Variants in PLPPR1 observed in about 807,000 individuals in gnomAD.
PLPPR1 encodes the protein phospholipid phosphatase-related protein type 1.
A neutral mutation model predicts 33.1 loss-of-function variants in PLPPR1; 10 were observed. The observed-to-expected ratio is 0.30, with a 90% CI of 0.19 to 0.51. PLPPR1 has a LOEUF of 0.51. Among genes scored for constraint, PLPPR1 ranks in the 20% least tolerant of loss-of-function variants. PLPPR1 has a pLI of 0.97. For synonymous variants in PLPPR1, 151 were observed against 151.0 expected (o/e 1.00, Z 0.00); for missense variants, 304 against 408.1 (o/e 0.74, Z 2.20).
intron 1 of PLPPR1, among the ~76,000 whole-genome samples, chr9:101,150,987 A>C (rs555939749): frequency 2.6e-5 from 4 of 152,222 alleles, no homozygotes; most frequent in African/African-American, 9.6e-5. Context: ...GCTGTAGTTT[A>C]TACTTGGGAC....
At chr9:101,132,170 C>T (rs989917138) in intron 1 of PLPPR1, among the ~76,000 whole-genome samples, 2 of 152,128 alleles carry the variant, frequency 1.3e-5, no homozygotes, top group African/African-American at 2.4e-5. Context: ...TTCTCAGTGT[C>T]CCCTCATTGG....
intron 2 of PLPPR1, among the ~76,000 whole-genome samples, chr9:101,233,203 T>C (rs1394855254): frequency 1.3e-5 from 2 of 152,092 alleles, no homozygotes; most frequent in Admixed American, 1.3e-4. Flanking sequence ...CATTTAATTC[T>C]GTTTACTACC....
chr9:101,302,222 C>T (rs1019649406), intron 4 of PLPPR1, among the ~76,000 whole-genome samples: 1 of 152,168 alleles, frequency 6.6e-6, no homozygotes, highest in Non-Finnish European at 1.5e-5. Context: ...TTGCAAAGCA[C>T]TTAGAACAAT....
In PLPPR1 at chr9:101,286,859, A is replaced by G. The variant is rs186234718; in HGVS notation, c.385+623A>G. 2.6e-3 allele frequency among the ~76,000 whole-genome samples: 391 copies of G among 152,350 alleles called. 1 individual carries two copies. The highest frequency in any genetic ancestry group is 4.8e-3 in the Non-Finnish European group (329 of 68,038). On this transcript the variant is annotated intron_variant, in intron 4 of 7. Coordinates refer to ENST00000374874, the MANE Select transcript of PLPPR1 (RefSeq NM_207299.2). ...GTACAGGTAAGAATAGAGATCTTAC[A>G]AAGTTCCTACACATTAAGTACTCTA...
At position 101,309,556 on chromosome 9, in the gene PLPPR1, A is replaced by G. The variant is rs535581578; in HGVS notation, c.636+95A>G. 1.4e-5 allele frequency: 19 copies of G among 1,369,366 alleles called. No homozygotes were observed. In the South Asian group the frequency reaches 2.5e-4, roughly 18 times the overall value. The allele number at this position is 1,369,366 out of a possible 1,614,324, so 84.8% of individuals were successfully genotyped here. A position where few individuals can be genotyped will look rare whatever the true frequency, so the allele number is the denominator to read the frequency against. On this transcript the variant is annotated intron_variant, in intron 5 of 7. Coordinates refer to ENST00000374874, the MANE Select transcript of PLPPR1 (RefSeq NM_207299.2). ...CATTCTTTCATTGTCACTTATAGCG[A>G]CTCTTAAATTTATGTATGGCATATT...
At chr9:101,089,682 G>T (rs1830719388) in intron 1 of PLPPR1, among the ~76,000 whole-genome samples, 1 of 152,112 alleles carries the variant, frequency 6.6e-6, no homozygotes, top group East Asian at 1.9e-4. Context: ...GGTTTAGTCA[G>T]CCAACTTCTT....
At chr9:101,191,787 T>TAC (rs1389579311) in intron 2 of PLPPR1, among the ~76,000 whole-genome samples, 3 of 152,206 alleles carry the variant, frequency 2.0e-5, no homozygotes, top group African/African-American at 7.2e-5. Flanking sequence ...AAGTCTCTTT[T>TAC]ATATATATTT....
chr9:101,083,966 A>G lies in PLPPR1; in HGVS notation c.-46+54864A>G, dbSNP rs531348413. 3.9e-5 allele frequency among the ~76,000 whole-genome samples: 6 copies of G among 152,290 alleles called. No individual in the cohort carries two copies. The South Asian group carries it at 1.2e-3, about 32-fold the overall frequency. On this transcript the variant is annotated intron_variant, in intron 1 of 7. Coordinates refer to ENST00000374874, the MANE Select transcript of PLPPR1 (RefSeq NM_207299.2). ...AGTTTAAATGTGTCCCAATCTGTAG[A>G]TCTAATAACTATGGAGCATAGAAGA...
At chr9:101,034,271 T>C (rs1019233702) in intron 1 of PLPPR1, among the ~76,000 whole-genome samples, 3 of 152,046 alleles carry the variant, frequency 2.0e-5, no homozygotes, top group Non-Finnish European at 4.4e-5. Flanking sequence ...TCCAAGAGCA[T>C]GCAAAGATAT....
chr9:101,276,724 G>T (rs1010986704), intron 3 of PLPPR1, among the ~76,000 whole-genome samples: 4 of 152,154 alleles, frequency 2.6e-5, no homozygotes, highest in African/African-American at 9.7e-5. Context: ...TACCGCCCTG[G>T]TGCTCTATTT....
At chr9:101,049,206 T>C (rs1830190642) in intron 1 of PLPPR1, among the ~76,000 whole-genome samples, 1 of 152,226 alleles carries the variant, frequency 6.6e-6, no homozygotes, top group African/African-American at 2.4e-5. Flanking sequence ...AAATTAATTA[T>C]GTTTTCATTG....
chr9:101,079,602 C>A (rs1188891393), intron 1 of PLPPR1, among the ~76,000 whole-genome samples: 7 of 146,568 alleles, frequency 4.8e-5, no homozygotes, highest in African/African-American at 7.6e-5. Context: ...TTTTTTGAGA[C>A]AGAGTCTAGC....
At chr9:101,236,248 A>G (rs962885770) in intron 2 of PLPPR1, among the ~76,000 whole-genome samples, 1 of 151,754 alleles carries the variant, frequency 6.6e-6, no homozygotes, top group African/African-American at 2.4e-5. Flanking sequence ...AAAAAAGTCA[A>G]TGCAAATTTT....
At chr9:101,323,281 G>A (rs1350206461) in intron 7 of PLPPR1, among the ~76,000 whole-genome samples, 1 of 151,994 alleles carries the variant, frequency 6.6e-6, no homozygotes, top group African/African-American at 2.4e-5. Context: ...GGTCAGTTGA[G>A]CCCAGGAGTT....
intron 5 of PLPPR1, among the ~76,000 whole-genome samples, chr9:101,310,829 T>C (rs961084313): frequency 2.6e-5 from 4 of 152,112 alleles, no homozygotes; most frequent in Non-Finnish European, 4.4e-5. Context: ...GACATGAGTA[T>C]GTGAAAAAAA....
intron 1 of PLPPR1, among the ~76,000 whole-genome samples, chr9:101,111,657 A>G (rs1320176470): frequency 1.3e-5 from 2 of 152,230 alleles, no homozygotes; most frequent in African/African-American, 4.8e-5. Context: ...TAGACAAACT[A>G]TGAAGCACTG....
chr9:101,170,286 T>C (rs1466274166), intron 1 of PLPPR1, among the ~76,000 whole-genome samples: 6 of 152,100 alleles, frequency 3.9e-5, no homozygotes, highest in African/African-American at 1.4e-4. Context: ...GATGGGTAAT[T>C]TGTAAAGGAA....
chr9:101,084,831 C>A (rs10989387), intron 1 of PLPPR1, among the ~76,000 whole-genome samples: 8,081 of 152,160 alleles, frequency 0.053, 378 homozygotes, highest in African/African-American at 0.12. Context: ...TGTGTGACAT[C>A]GATGAATATG....
intron 2 of PLPPR1, among the ~76,000 whole-genome samples, chr9:101,247,951 T>A (rs1827644275): frequency 6.6e-6 from 1 of 152,016 alleles, no homozygotes; most frequent in South Asian, 2.1e-4. Flanking sequence ...GAGTTCTTAT[T>A]CTCCTTCACA....
Sources: allele counts gnomAD v4.1 joint callset (sites outside exome capture counted in the v4.1 genomes callset), GRCh38; gene constraint gnomAD v4.1.1; transcripts MANE v1.5; gene names NCBI Gene and HGNC (gene_info 2026-07-23, HGNC 2026-07-21).